SUCLG2: variants seen among roughly 807,000 people sequenced by gnomAD.
SUCLG2 encodes succinate--CoA ligase [GDP-forming] subunit beta, mitochondrial.
A neutral mutation model predicts 47.9 loss-of-function variants in SUCLG2; 42 were observed. The observed-to-expected ratio is 0.88, with a 90% CI of 0.69 to 1.14. SUCLG2 has a LOEUF of 1.14. Among genes scored for constraint, SUCLG2 ranks in the 50% most tolerant of loss-of-function variants. SUCLG2 has a pLI of 0.00. For synonymous variants in SUCLG2, 195 were observed against 197.3 expected (o/e 0.99, Z 0.10); for missense variants, 571 against 525.9 (o/e 1.09, Z -0.84).
At chr3:67,520,261 G>A (rs1252072782) in intron 5 of SUCLG2, among the ~76,000 whole-genome samples, 1 of 152,162 alleles carries the variant, frequency 6.6e-6, no homozygotes, top group African/African-American at 2.4e-5. Flanking sequence ...AGTAAAGAAG[G>A]AAGGGTGGGA....
intron 10 of SUCLG2, among the ~76,000 whole-genome samples, chr3:67,391,150 C>G (rs1439381087): frequency 6.6e-6 from 1 of 152,144 alleles, no homozygotes; most frequent in Admixed American, 6.5e-5. Context: ...AAACAATTAT[C>G]CCACCCCCTT....
At chr3:67,643,055 C>T (rs1701129690) in intron 1 of SUCLG2, among the ~76,000 whole-genome samples, 2 of 152,038 alleles carry the variant, frequency 1.3e-5, no homozygotes, top group East Asian at 1.9e-4. Flanking sequence ...ACCTGTGACA[C>T]GGAACTGGAA....
chr3:67,609,733 A>G lies in SUCLG2; in HGVS notation c.85-137T>C, dbSNP rs1174078379. 9 of 758,252 alleles carry G rather than the reference A, an allele frequency of 1.2e-5. No homozygotes were observed. In the South Asian group the frequency reaches 1.7e-4, roughly 14 times the overall value. 47.0% of individuals were successfully genotyped at this position (758,252 alleles called of 1,614,324 possible). A position where few individuals can be genotyped will look rare whatever the true frequency, so the allele number is the denominator to read the frequency against. Reference sequence around the variant, plus strand: ...AGTTGAGAGAAGCAAAAGAAAAAAAAAACCCACTTAAATTCATGCCTAATT... The same window carrying G: ...AGTTGAGAGAAGCAAAAGAAAAAAAGAACCCACTTAAATTCATGCCTAATT... On this transcript the variant is annotated intron_variant, in intron 1 of 10. Coordinates refer to ENST00000307227, the MANE Select transcript of SUCLG2 (RefSeq NM_003848.4).
At chr3:67,557,805 T>C (rs1465056637) in intron 2 of SUCLG2, among the ~76,000 whole-genome samples, 1 of 152,152 alleles carries the variant, frequency 6.6e-6, no homozygotes, top group Non-Finnish European at 1.5e-5. Flanking sequence ...TTCTAAGAGT[T>C]CCACAGAGGG....
chr3:67,458,717 G>C (rs1201666780), intron 9 of SUCLG2, among the ~76,000 whole-genome samples: 1 of 152,150 alleles, frequency 6.6e-6, no homozygotes, highest in Non-Finnish European at 1.5e-5. Flanking sequence ...CAGGCCATCT[G>C]AGTAACAGGA....
At chr3:67,378,943 G>A (rs564804650) in intron 10 of SUCLG2, among the ~76,000 whole-genome samples, 1 of 152,232 alleles carries the variant, frequency 6.6e-6, no homozygotes, top group African/African-American at 2.4e-5. Context: ...GTAAATGACA[G>A]TTACACGTGT....
intron 2 of SUCLG2, among the ~76,000 whole-genome samples, chr3:67,536,940 C>T (rs1706560490): frequency 6.6e-6 from 1 of 152,064 alleles, no homozygotes; most frequent in African/African-American, 2.4e-5. Flanking sequence ...TAGAAATAAT[C>T]CAAATGTCCA....
At chr3:67,503,937 A>G (rs1705569891) in intron 7 of SUCLG2, among the ~76,000 whole-genome samples, 1 of 152,198 alleles carries the variant, frequency 6.6e-6, no homozygotes. Context: ...TAACAGAAGA[A>G]TGTGTCACAG....
intron 1 of SUCLG2, among the ~76,000 whole-genome samples, chr3:67,618,582 G>T (rs1320949764): frequency 1.3e-5 from 2 of 151,992 alleles, no homozygotes; most frequent in African/African-American, 4.8e-5. Flanking sequence ...TTGAATCCAG[G>T]TCCCCCTGCC....
At position 67,508,847 on chromosome 3, in the gene SUCLG2, C is replaced by T. The variant is rs770143306; in HGVS notation, c.717G>A (p.Gln239=). Residue 239 remains glutamine (Q), a synonymous_variant, in exon 7 of 11, where the codon CAG becomes CAA. Coordinates refer to ENST00000307227, the MANE Select transcript of SUCLG2 (RefSeq NM_003848.4). ...TTTCACCAAAGGGATTCACTTCCACCTGAGTAGCATCAATTTTCAGGAAGA... is the reference window on the plus strand; with the variant it reads ...TTTCACCAAAGGGATTCACTTCCACTTGAGTAGCATCAATTTTCAGGAAGA... ...YNLFLKIDAT[Q]VEVNPFGETP... 5.0e-5 allele frequency: 81 copies of T among 1,611,632 alleles called. No individual in the cohort carries two copies. Among genetic ancestry groups the T allele is most frequent in the Non-Finnish European group, 6.6e-5 (78 of 1,179,334 alleles).
At chr3:67,394,816 CG>C (rs1702483557) in intron 10 of SUCLG2, among the ~76,000 whole-genome samples, 1 of 151,648 alleles carries the variant, frequency 6.6e-6, no homozygotes, top group Admixed American at 6.6e-5. Flanking sequence ...AGACTAACAG[CG>C]GATCTCTCGG....
chr3:67,654,606 A>G lies in SUCLG2; in HGVS notation c.-20T>C, dbSNP rs1701354679. 2.4e-6 allele frequency: 3 copies of G among 1,263,870 alleles called. No individual in the cohort carries two copies. Among genetic ancestry groups the G allele is most frequent in the East Asian group, 3.0e-5 (1 of 33,800 alleles). 78.3% of individuals were successfully genotyped at this position (1,263,870 alleles called of 1,614,324 possible). On this transcript the variant is annotated 5_prime_UTR_variant, in exon 1 of 11. Coordinates refer to ENST00000307227, the MANE Select transcript of SUCLG2 (RefSeq NM_003848.4). ...CGCCATCTTAAACAGGAAACTCGGC[A>G]CGGGGCAGTAGGGCGGGCGCGGGCA...
In SUCLG2 at chr3:67,636,808, T is replaced by TTC. The variant is rs199986275; in HGVS notation, c.84+17694_84+17695insGA. 3.6e-3 allele frequency among the ~76,000 whole-genome samples: 544 copies of TTC among 152,052 alleles called. 3 individuals are homozygous for TTC. Among genetic ancestry groups the TTC allele is most frequent in the African/African-American group, 0.013 (519 of 41,474 alleles). ...ACCATGCCTGGCTGGCAGTATCTTTTTTTTTTTTTTAGAATCAGCTGATAA... is the reference window on the plus strand; with the variant it reads ...ACCATGCCTGGCTGGCAGTATCTTTTTCTTTTTTTTTTAGAATCAGCTGATAA... On this transcript the variant is annotated intron_variant, in intron 1 of 10. Transcript: ENST00000307227.
At chr3:67,483,629 C>T (rs1227715584) in intron 9 of SUCLG2, among the ~76,000 whole-genome samples, 1 of 152,218 alleles carries the variant, frequency 6.6e-6, no homozygotes, top group Non-Finnish European at 1.5e-5. Flanking sequence ...ATTTCACTCA[C>T]TGCTTTATCC....
chr3:67,367,745 T>G (rs1326405624), intron 10 of SUCLG2, among the ~76,000 whole-genome samples: 1 of 152,204 alleles, frequency 6.6e-6, no homozygotes, highest in Non-Finnish European at 1.5e-5. Context: ...AAAATTGTCC[T>G]TAGTTGAGAG....
At chr3:67,486,427 A>G (rs1705054902) in intron 9 of SUCLG2, among the ~76,000 whole-genome samples, 1 of 152,254 alleles carries the variant, frequency 6.6e-6, no homozygotes, top group Admixed American at 6.5e-5. Context: ...TACAGTCACT[A>G]AAACCACTGA....
rs139686477 is a variant in SUCLG2, at chr3:67,499,312, C to T, written c.758-1017G>A. Among the ~76,000 whole-genome samples the T allele has an allele frequency of 2.8e-3, 423 of 152,174 alleles. 6 individuals are homozygous for T. Among genetic ancestry groups the T allele is most frequent in the African/African-American group, 9.6e-3 (397 of 41,514 alleles). On this transcript the variant is annotated intron_variant, in intron 7 of 10. Transcript: ENST00000307227. ...TAAAATAACCTAGTTCTTCTCTGGG[C>T]CTTGGTTTTTTAATTGGAAAAAATG...
intron 10 of SUCLG2, among the ~76,000 whole-genome samples, chr3:67,389,528 C>G (rs1399831622): frequency 6.6e-6 from 1 of 152,166 alleles, no homozygotes; most frequent in African/African-American, 2.4e-5. Context: ...CTCAGTACTT[C>G]CAGTGGAGAA....
chr3:67,430,171 C>G (rs1703437705), intron 9 of SUCLG2, among the ~76,000 whole-genome samples: 1 of 152,176 alleles, frequency 6.6e-6, no homozygotes, highest in Non-Finnish European at 1.5e-5. Flanking sequence ...CCACATTGCA[C>G]TTATTCCAAA....
Sources: allele counts gnomAD v4.1 joint callset (sites outside exome capture counted in the v4.1 genomes callset), GRCh38; gene constraint gnomAD v4.1.1; transcripts MANE v1.5; gene names NCBI Gene and HGNC (gene_info 2026-07-23, HGNC 2026-07-21).